Variants in ITPKB observed in about 807,000 individuals in gnomAD.
ITPKB encodes inositol-trisphosphate 3-kinase B, also known as IP3 3-kinase B.
ITPKB carries 13 observed loss-of-function variants against 69.4 expected under a neutral mutation model. The ratio of observed to expected loss-of-function variants is 0.19; its 90% CI spans 0.12 to 0.30. ITPKB has a LOEUF of 0.30. Among genes scored for constraint, ITPKB ranks in the 10% least tolerant of loss-of-function variants. The probability of loss-of-function intolerance (pLI) is 1.00; values close to 1 mark genes in which losing one functional copy is unlikely to be tolerated. For missense variants in ITPKB, 1,240 were observed against 1,250.5 expected (o/e 0.99, Z 0.13); for synonymous variants, 584 against 513.7 (o/e 1.14, Z -1.85).
intron 4 of ITPKB, among the ~76,000 whole-genome samples, chr1:226,646,207 C>G (rs1319835090): frequency 6.6e-6 from 1 of 152,256 alleles, no homozygotes; most frequent in African/African-American, 2.4e-5. Context: ...TCTGGCCGTC[C>G]AGCCCGGGTG....
At chr1:226,680,321 C>T (rs984084524) in intron 2 of ITPKB, among the ~76,000 whole-genome samples, 9 of 152,226 alleles carry the variant, frequency 5.9e-5, no homozygotes, top group Admixed American at 2.6e-4. Context: ...TCCTGAAATT[C>T]CTTGAGGTTT....
In ITPKB at chr1:226,642,020, C is replaced by T. The variant is rs777202358; in HGVS notation, c.2352G>A (p.Glu784=). 2.1e-5 allele frequency: 34 copies of T among 1,614,108 alleles called. No homozygotes were observed. Among genetic ancestry groups the T allele is most frequent in the Non-Finnish European group, 2.8e-5 (33 of 1,180,050 alleles). ...TGGTCACAGCCCGCTGTGCTTTTTC[C>T]TCCTCGGTGGGGGCCTCGGGGTCCA... is the stretch of plus-strand genomic sequence containing the variant. The part of the protein sequence containing the change: ...IEVDPEAPTE[E]EKAQRAVTKP... The change falls in exon 5 of 8, where the codon GAG becomes GAA. Residue 784 remains glutamate (E), a synonymous_variant. Coordinates refer to ENST00000429204, the MANE Select transcript of ITPKB (RefSeq NM_002221.4). The surrounding 1 kb of genome is among the most constrained non-coding windows in gnomAD (Gnocchi z 6.4).
At position 226,641,865 on chromosome 1, in the gene ITPKB, GC is replaced by G; in HGVS notation, c.2451+55del. On this transcript the variant is annotated intron_variant, in intron 5 of 7. Coordinates refer to ENST00000429204, the MANE Select transcript of ITPKB (RefSeq NM_002221.4). This position sits in a 1 kb window ranked among gnomAD's most constrained non-coding sequence, Gnocchi z 4.6. ...TCCAAAGGGCGCTGAGAGAAGCCAAGCCCCCTGAGGTGGGCACGGGTGGGGC... is the reference window on the plus strand; with the variant it reads ...TCCAAAGGGCGCTGAGAGAAGCCAAGCCCCTGAGGTGGGCACGGGTGGGGC... 1.3e-6 allele frequency: 2 copies of G among 1,502,190 alleles called. No individual in the cohort carries two copies. The highest frequency in any genetic ancestry group is 1.2e-5 in the South Asian group (1 of 84,742). The allele number at this position is 1,502,190 out of a possible 1,614,324, so 93.1% of individuals were successfully genotyped here. A position where few individuals can be genotyped will look rare whatever the true frequency, so the allele number is the denominator to read the frequency against.
intron 2 of ITPKB, among the ~76,000 whole-genome samples, chr1:226,695,239 G>GTAAA (rs896585716): frequency 1.5e-4 from 23 of 151,952 alleles, no homozygotes; most frequent in South Asian, 6.2e-4. Flanking sequence ...CAATAAATAA[G>GTAAA]TAAATAAATA....
chr1:226,736,371 G>A lies in ITPKB; in HGVS notation c.1088C>T (p.Pro363Leu), dbSNP rs771951636. The A allele has an allele frequency of 5.6e-6, 9 of 1,612,364 alleles. No homozygotes were observed. The highest frequency in any genetic ancestry group is 7.6e-6 in the Non-Finnish European group (9 of 1,179,886). ...CTTCCCAGGGGGTTCTCCATCGCGG[G>A]GCCCGCCCCTTTCTGGGGCTGGGCT... Reference protein sequence around the residue: ...ETSPAPERGGPRDGEPPGKMG... With the variant: ...ETSPAPERGGLRDGEPPGKMG... Residue 363 changes from proline to leucine, a missense_variant, in exon 2 of 8, where the codon CCC (proline) becomes CTC (leucine). Pro to Leu is a moderately conservative substitution (Grantham distance 98, BLOSUM62 -3). Around this residue, in one of 2 missense-constraint regions of ITPKB, gnomAD observed 992 missense variants for 853.8 expected, o/e 1.16. Transcript: ENST00000429204.
intron 2 of ITPKB, among the ~76,000 whole-genome samples, chr1:226,728,220 G>A (rs1657481097): frequency 6.6e-6 from 1 of 152,188 alleles, no homozygotes; most frequent in African/African-American, 2.4e-5. Context: ...GGGCAAAATA[G>A]AAGTAAAAAT....
rs941510330 is a variant in ITPKB at position 226,737,348 on chromosome 1, C to A, written c.111G>T (p.Pro37=). 1.2e-6 allele frequency: 2 copies of A among 1,603,738 alleles called. No homozygotes were observed. Among genetic ancestry groups the A allele is most frequent in the Admixed American group, 1.7e-5 (1 of 59,778 alleles). ...TGCCGGGGCTCAGCACTGCCCTCCTCGGGGGCGGGGGCGTCTCGCTGCCAC... is the reference window on the plus strand; with the variant it reads ...TGCCGGGGCTCAGCACTGCCCTCCTAGGGGGCGGGGGCGTCTCGCTGCCAC... ...GPSGSETPPP[P]RRAVLSPGSV... Residue 37 remains proline (P), a synonymous_variant, in exon 2 of 8, where the codon CCG becomes CCT. Transcript: ENST00000429204.
At chr1:226,695,815 G>A (rs920023627) in intron 2 of ITPKB, among the ~76,000 whole-genome samples, 9 of 152,186 alleles carry the variant, frequency 5.9e-5, no homozygotes, top group Non-Finnish European at 1.5e-5. Context: ...AAGGGAAGTG[G>A]AGAAATTATG....
chr1:226,729,125 A>G (rs972327224), intron 2 of ITPKB, among the ~76,000 whole-genome samples: 21 of 152,140 alleles, frequency 1.4e-4, no homozygotes, highest in Admixed American at 1.1e-3. Flanking sequence ...GGGTGTAACC[A>G]TGGGTCCTGT....
At position 226,738,025 on chromosome 1, in the gene ITPKB, C is replaced by T. The variant is rs1657861208; in HGVS notation, c.-205-362G>A. On this transcript the variant is annotated intron_variant, in intron 1 of 7. Coordinates refer to ENST00000429204, the MANE Select transcript of ITPKB (RefSeq NM_002221.4). This position sits in a 1 kb window ranked among gnomAD's most constrained non-coding sequence, Gnocchi z 4.2. Reference sequence around the variant, plus strand: ...GCGCGGCTGACTCAGCTCTCCCGGGCTGAGGACACCCCAGCCACCGTCTCC... The same window carrying T: ...GCGCGGCTGACTCAGCTCTCCCGGGTTGAGGACACCCCAGCCACCGTCTCC... Among the ~76,000 whole-genome samples the T allele has an allele frequency of 1.3e-5, 2 of 152,238 alleles. No individual in the cohort carries two copies. The highest frequency in any genetic ancestry group is 2.9e-5 in the Non-Finnish European group (2 of 68,038).
At chr1:226,670,341 T>C (rs1413049959) in intron 2 of ITPKB, among the ~76,000 whole-genome samples, 1 of 152,068 alleles carries the variant, frequency 6.6e-6, no homozygotes, top group African/African-American at 2.4e-5. Context: ...GCCATAAAAA[T>C]GTTTCAACCT....
chr1:226,696,830 CCT>C (rs1344854209), intron 2 of ITPKB, among the ~76,000 whole-genome samples: 5 of 152,192 alleles, frequency 3.3e-5, no homozygotes, highest in Non-Finnish European at 5.9e-5. Flanking sequence ...CAAGCCATCC[CCT>C]GAGGCCTGAG....
At chr1:226,732,262 G>T (rs1431584716) in intron 2 of ITPKB, among the ~76,000 whole-genome samples, 1 of 151,966 alleles carries the variant, frequency 6.6e-6, no homozygotes, top group South Asian at 2.1e-4. Context: ...GTTTTGAAAC[G>T]GAGTCTCACT....
chr1:226,711,405 AAGAGAGAGAGAGAGAG>A (rs59479705), intron 2 of ITPKB, among the ~76,000 whole-genome samples: 3 of 129,882 alleles, frequency 2.3e-5, no homozygotes, highest in East Asian at 2.3e-4. Flanking sequence ...GGTGTTTTGA[AAGAGAGAGAGAGAGAG>A]AGAGAGAGAG....
intron 2 of ITPKB, among the ~76,000 whole-genome samples, chr1:226,683,423 G>A (rs1337319770): frequency 6.6e-6 from 1 of 152,182 alleles, no homozygotes; most frequent in African/African-American, 2.4e-5. Context: ...TCATCGGTAA[G>A]AAAACAGAGG....
At chr1:226,659,809 G>C (rs567941176) in intron 2 of ITPKB, 3 of 152,130 alleles carry the variant, frequency 2.0e-5, no homozygotes, top group Non-Finnish European at 4.4e-5. Context: ...TGGCAGGAAG[G>C]CTCCTGGGGA....
At chr1:226,733,210 G>A (rs908258559) in intron 2 of ITPKB, among the ~76,000 whole-genome samples, 1 of 152,196 alleles carries the variant, frequency 6.6e-6, no homozygotes, top group African/African-American at 2.4e-5. Context: ...AAGCATGAGA[G>A]TGTGCAGCTA....
intron 4 of ITPKB, among the ~76,000 whole-genome samples, chr1:226,644,432 C>T (rs1669024962): frequency 1.3e-5 from 2 of 152,174 alleles, no homozygotes; most frequent in African/African-American, 2.4e-5. Context: ...CCCAGGGAGC[C>T]AACAGGTGGC....
intron 2 of ITPKB, among the ~76,000 whole-genome samples, chr1:226,664,964 G>A (rs565278404): frequency 1.3e-5 from 2 of 152,364 alleles, no homozygotes; most frequent in African/African-American, 4.8e-5. Context: ...GAGGCTCCCT[G>A]TAAACCTGAG....
Sources: gnomAD v4.1 joint callset for allele counts (sites outside exome capture counted in the v4.1 genomes callset) on GRCh38, gnomAD v4.1.1 for gene constraint, gnomAD v4.1.1 regional missense constraint, Gnocchi (gnomAD v3.1) non-coding constraint, MANE v1.5 for transcripts, NCBI Gene and HGNC (gene_info 2026-07-23, HGNC 2026-07-21) for gene names.